Variants in SPAG17 observed in about 807,000 individuals in gnomAD.
SPAG17 encodes sperm associated antigen 17, also known as sperm-associated antigen 17.
A neutral mutation model predicts 273.6 loss-of-function variants in SPAG17; 169 were observed. The observed-to-expected ratio is 0.62, with a 90% CI of 0.55 to 0.70. SPAG17 has a LOEUF of 0.70. SPAG17 is among the 30% of genes least tolerant of loss of function. The pLI, the probability that SPAG17 is intolerant of heterozygous loss-of-function variation, is 0.00. For synonymous variants in SPAG17, 825 were observed against 873.2 expected (o/e 0.94, Z 0.97); for missense variants, 2,557 against 2,627.8 (o/e 0.97, Z 0.59).
In SPAG17 at chr1:117,991,494, T is replaced by C; in HGVS notation, c.5396A>G (p.Glu1799Gly). The C allele has an allele frequency of 6.2e-7, 1 of 1,611,604 alleles. No homozygotes were observed. Among genetic ancestry groups the C allele is most frequent in the African/African-American group, 1.3e-5 (1 of 74,932 alleles). Residue 1799 changes from glutamate (E) to glycine (G), a missense_variant, in exon 37 of 49, where the codon GAG (glutamate) becomes GGG (glycine). Glu to Gly is a moderately conservative substitution (Grantham distance 98). Coordinates refer to ENST00000336338, the MANE Select transcript of SPAG17 (RefSeq NM_206996.4). Reference protein sequence around the residue: ...YINYILKKEDELQEMMVKDSR... With the variant: ...YINYILKKEDGLQEMMVKDSR... The stretch of plus-strand genomic sequence containing the variant: ...ATCTTTAACCATCATTTCCTGCAGC[T>C]CATCTTCTTTCTTTAGAATATAGTT...
chr1:117,986,357 T>C (rs1557869034), intron 40 of SPAG17, among the ~76,000 whole-genome samples: 1 of 152,178 alleles, frequency 6.6e-6, no homozygotes, highest in Non-Finnish European at 1.5e-5. Context: ...CCATTTCTGA[T>C]TTTTCTACAG....
chr1:118,081,065 A>G, intron 15 of SPAG17, 36 bp downstream of exon 15: 3 of 728,098 alleles, frequency 4.1e-6, no homozygotes, highest in Middle Eastern at 2.8e-4. Context: ...TCTTACACAC[A>G]CACACACACA....
chr1:118,094,081 G>C (rs1655559523), intron 7 of SPAG17, among the ~76,000 whole-genome samples: 1 of 152,140 alleles, frequency 6.6e-6, no homozygotes, highest in East Asian at 1.9e-4. Flanking sequence ...GTATGAGATG[G>C]TTCCTTGTAT....
Position 118,115,409 on chromosome 1 carries a change from ACTATC to A in SPAG17, c.343_347del (p.Asp115TrpfsTer21). 3 of 1,613,688 alleles carry A rather than the reference ACTATC, an allele frequency of 1.9e-6. No homozygotes were observed. The highest frequency in any genetic ancestry group is 2.5e-6 in the Non-Finnish European group (3 of 1,179,692). On this transcript the variant is annotated frameshift_variant, in exon 4 of 49. Transcript: ENST00000336338. LOFTEE classifies it high-confidence loss of function. ...TCAGTGGTAAGGTTAATTTCTCTCC[ACTATC>A]CATAATTGCTTTTGCTGCCGTTAAC... is the stretch of plus-strand genomic sequence containing the variant.
chr1:118,134,997 C>A (rs1266103829), intron 3 of SPAG17, among the ~76,000 whole-genome samples: 1 of 152,202 alleles, frequency 6.6e-6, no homozygotes, highest in Non-Finnish European at 1.5e-5. Context: ...ATTTCCCTAT[C>A]TGTTTTTCAT....
chr1:118,179,217 G>C (rs1485626385), intron 1 of SPAG17, among the ~76,000 whole-genome samples: 2 of 151,768 alleles, frequency 1.3e-5, no homozygotes, highest in Non-Finnish European at 3.0e-5. Flanking sequence ...ATCTGCATGG[G>C]ACTCACATAA....
In SPAG17 at chr1:117,969,202, CAAAT is replaced by C. The variant is rs1446435301; in HGVS notation, c.6387+850_6387+853del. ...AAACATGCCATTTTGGAGGATGTATCAAATAAAGTCAGAACAGGTTGACATTTTG... is the reference window on the plus strand; with the variant it reads ...AAACATGCCATTTTGGAGGATGTATCAAAGTCAGAACAGGTTGACATTTTG... On this transcript the variant is annotated intron_variant, in intron 46 of 48. Transcript: ENST00000336338. 4.6e-5 allele frequency among the ~76,000 whole-genome samples: 7 copies of C among 152,058 alleles called. No homozygotes were observed. In the East Asian group the frequency reaches 5.8e-4, roughly 13 times the overall value.
At chr1:117,960,569 CTG>C (rs1652938726) in intron 48 of SPAG17, 1 of 152,192 alleles carries the variant, frequency 6.6e-6, no homozygotes, top group Non-Finnish European at 1.5e-5. Context: ...TTTGGGAGCA[CTG>C]TGATATGCAG....
At chr1:118,135,962 T>C (rs116443178) in intron 3 of SPAG17, among the ~76,000 whole-genome samples, 49 of 152,288 alleles carry the variant, frequency 3.2e-4, no homozygotes, top group African/African-American at 1.1e-3. Flanking sequence ...CTGGGTTCCA[T>C]TGCGAGGTAC....
At chr1:117,971,141 T>C (rs538988886) in intron 45 of SPAG17, among the ~76,000 whole-genome samples, 24 of 152,314 alleles carry the variant, frequency 1.6e-4, no homozygotes, top group African/African-American at 5.3e-4. Context: ...TGGCTGCAAC[T>C]GAAATAAACA....
chr1:118,150,903 G>A (rs1659339778), intron 2 of SPAG17, among the ~76,000 whole-genome samples: 1 of 152,122 alleles, frequency 6.6e-6, no homozygotes, highest in Non-Finnish European at 1.5e-5. Flanking sequence ...AATTAGTCAT[G>A]TACCTCCCTG....
At chr1:118,052,638 A>G (rs973383391) in intron 20 of SPAG17, among the ~76,000 whole-genome samples, 3 of 152,078 alleles carry the variant, frequency 2.0e-5, no homozygotes, top group South Asian at 2.1e-4. Context: ...ACATAATTCA[A>G]AACATTATGT....
chr1:118,059,631 T>C (rs562496893), intron 18 of SPAG17, among the ~76,000 whole-genome samples: 1 of 152,256 alleles, frequency 6.6e-6, no homozygotes, highest in South Asian at 2.1e-4. Context: ...ATATTTACAA[T>C]TGGTCTATCT....
chr1:118,163,568 T>A (rs569076409), intron 1 of SPAG17, among the ~76,000 whole-genome samples: 1 of 150,122 alleles, frequency 6.7e-6, no homozygotes, highest in East Asian at 2.0e-4. Flanking sequence ...CTAGAGCAAA[T>A]GACCTCTTCT....
intron 1 of SPAG17, among the ~76,000 whole-genome samples, chr1:118,169,987 T>C (rs1340578229): frequency 1.3e-5 from 2 of 152,192 alleles, no homozygotes; most frequent in Non-Finnish European, 2.9e-5. Flanking sequence ...GCCTTCTGGT[T>C]GGCAGATGAA....
At chr1:118,140,821 G>A (rs1658640707) in intron 3 of SPAG17, among the ~76,000 whole-genome samples, 2 of 152,230 alleles carry the variant, frequency 1.3e-5, no homozygotes, top group South Asian at 2.1e-4. Flanking sequence ...AAGTCTTAAT[G>A]GCTTTCTAAT....
At chr1:118,150,521 T>G (rs1203513461) in intron 3 of SPAG17, 22 bp downstream of exon 3, 2 of 1,332,090 alleles carry the variant, frequency 1.5e-6, no homozygotes, top group Admixed American at 2.5e-5. Context: ...CAAAAATATC[T>G]TCTATAAACA....
At chr1:118,068,658 G>T (rs10923488) in intron 17 of SPAG17, among the ~76,000 whole-genome samples, 7,712 of 152,104 alleles carry the variant, frequency 0.051, 366 homozygotes, top group East Asian at 0.25. Flanking sequence ...TATTGGTTAC[G>T]TTAGTTATTT....
intron 25 of SPAG17, among the ~76,000 whole-genome samples, chr1:118,031,423 T>G (rs1057359231): frequency 6.6e-6 from 1 of 151,098 alleles, no homozygotes; most frequent in Non-Finnish European, 1.5e-5. Flanking sequence ...AGAAATAGAG[T>G]GGAAAAAAGG....
Sources: allele counts gnomAD v4.1 joint callset (sites outside exome capture counted in the v4.1 genomes callset), GRCh38; gene constraint gnomAD v4.1.1; transcripts MANE v1.5; gene names NCBI Gene and HGNC (gene_info 2026-07-23, HGNC 2026-07-21).